NUP214: variants seen among roughly 807,000 people sequenced by gnomAD.
NUP214 encodes the protein nucleoporin 214.
NUP214 carries 79 observed loss-of-function variants against 196.2 expected under a neutral mutation model. The observed-to-expected ratio is 0.40, with a 90% CI of 0.34 to 0.49. NUP214 has a LOEUF of 0.49. Among genes scored for constraint, NUP214 ranks in the 20% least tolerant of loss-of-function variants. The probability of loss-of-function intolerance (pLI) is 0.58; values close to 1 mark genes in which losing one functional copy is unlikely to be tolerated. For synonymous variants in NUP214, 1,020 were observed against 990.5 expected (o/e 1.03, Z -0.56); for missense variants, 2,468 against 2,539.0 (o/e 0.97, Z 0.60).
Position 131,196,277 on chromosome 9 carries a change from G to A in NUP214, c.3722-939G>A, listed in dbSNP as rs182669613. 2.6e-5 allele frequency among the ~76,000 whole-genome samples: 4 copies of A among 151,992 alleles called. No individual in the cohort carries two copies. In the East Asian group the frequency reaches 7.8e-4, roughly 29 times the overall value. Reference sequence around the variant, plus strand: ...GGGTTCCAGCGATTCTCCTGCCTCAGCCTCCCTAGTAGCTGGGATTACAGG... The same window carrying A: ...GGGTTCCAGCGATTCTCCTGCCTCAACCTCCCTAGTAGCTGGGATTACAGG... On this transcript the variant is annotated intron_variant, in intron 28 of 35. Transcript: ENST00000359428.
At chr9:131,133,672 C>G (rs1387613500) in intron 7 of NUP214, 1 of 152,294 alleles carries the variant, frequency 6.6e-6, no homozygotes, top group East Asian at 1.9e-4. Context: ...CATGCTGCAC[C>G]ATGGGCCAGG....
chr9:131,172,207 C>T (rs1832978499), intron 21 of NUP214, among the ~76,000 whole-genome samples: 1 of 151,704 alleles, frequency 6.6e-6, no homozygotes, highest in African/African-American at 2.4e-5. Flanking sequence ...ACATCCTCTC[C>T]AGCACCTGTT....
In NUP214 at chr9:131,189,125, G is replaced by A. The variant is rs1833532207; in HGVS notation, c.3568G>A (p.Ala1190Thr). The change falls in exon 26 of 36, where the codon GCT becomes ACT. Residue 1190 changes from alanine to threonine, a missense_variant. Ala to Thr is a moderately conservative substitution (Grantham distance 58). Transcript: ENST00000359428. Reference protein sequence around the residue: ...ASGQLSSGDKASGTAKIETAV... With the variant: ...ASGQLSSGDKTSGTAKIETAV... Reference sequence around the variant, plus strand: ...CGGTCAGTTATCATCTGGTGACAAAGCTTCAGGTCAGTTTGCATTTTTGTT... The same window carrying A: ...CGGTCAGTTATCATCTGGTGACAAAACTTCAGGTCAGTTTGCATTTTTGTT... 5 of 1,613,900 alleles carry A rather than the reference G, an allele frequency of 3.1e-6. No individual in the cohort carries two copies. The highest frequency in any genetic ancestry group is 1.3e-5 in the African/African-American group (1 of 75,042).
intron 4 of NUP214, among the ~76,000 whole-genome samples, 193 bp downstream of exon 4, chr9:131,129,670 T>C (rs770182178): frequency 6.8e-4 from 103 of 152,108 alleles, no homozygotes; most frequent in Non-Finnish European, 2.8e-4. Context: ...AGTGGCATCA[T>C]CTCAGCCACT....
chr9:131,167,279 C>T (rs1832810779), intron 21 of NUP214: 1 of 152,224 alleles, frequency 6.6e-6, no homozygotes, highest in Non-Finnish European at 1.5e-5. Context: ...TTCTCTTGTT[C>T]CACATCAGGC....
At chr9:131,164,285 A>G (rs1343453306) in intron 21 of NUP214, 141 bp downstream of exon 21, 4 of 673,934 alleles carry the variant, frequency 5.9e-6, no homozygotes, top group Non-Finnish European at 1.0e-5. Context: ...TTGGTTCTTA[A>G]TAGGGGATAG....
At position 131,125,849 on chromosome 9, in the gene NUP214, C is replaced by A; in HGVS notation, c.45+100C>A. 1 of 1,382,560 alleles carries A rather than the reference C, an allele frequency of 7.2e-7. No individual in the cohort carries two copies. Among genetic ancestry groups the A allele is most frequent in the Non-Finnish European group, 1.0e-6 (1 of 1,003,862 alleles). The allele number at this position is 1,382,560 out of a possible 1,614,324, so 85.6% of individuals were successfully genotyped here. A position where few individuals can be genotyped will look rare whatever the true frequency, so the allele number is the denominator to read the frequency against. ...GCGGTGCTGGCTGTCCCGCCTCCTG[C>A]TTGAACAGTTTACCGCGTTCACAGC... On this transcript the variant is annotated intron_variant, in intron 1 of 35. Transcript: ENST00000359428. This position sits in a 1 kb window ranked among gnomAD's most constrained non-coding sequence, Gnocchi z 4.1.
chr9:131,220,788 T>C (rs1834536243), intron 31 of NUP214, among the ~76,000 whole-genome samples: 1 of 152,228 alleles, frequency 6.6e-6, no homozygotes, highest in African/African-American at 2.4e-5. Flanking sequence ...GACTGCAAAC[T>C]TCACTGCTTG....
chr9:131,191,873 T>C (rs944398937), intron 26 of NUP214: 1 of 171,072 alleles, frequency 5.8e-6, no homozygotes, highest in East Asian at 1.5e-4. Context: ...TTATAAGCAT[T>C]TTCCCATACC....
intron 23 of NUP214, among the ~76,000 whole-genome samples, chr9:131,176,308 A>G (rs771677413): frequency 6.6e-6 from 1 of 151,736 alleles, no homozygotes; most frequent in Non-Finnish European, 1.5e-5. Context: ...TTCTCCAACT[A>G]TATCTTGCAT....
intron 21 of NUP214, among the ~76,000 whole-genome samples, chr9:131,171,536 A>G (rs943816548): frequency 1.5e-5 from 2 of 132,796 alleles, no homozygotes; most frequent in Non-Finnish European, 3.1e-5. Context: ...GTTATCTCAC[A>G]GGAAGATTTT....
chr9:131,170,063 C>T (rs1471434113), intron 21 of NUP214, among the ~76,000 whole-genome samples: 1 of 151,944 alleles, frequency 6.6e-6, no homozygotes, highest in African/African-American at 2.4e-5. Context: ...AAGATGAAAA[C>T]GTTCTGGAGA....
chr9:131,155,055 A>G (rs776769951), intron 17 of NUP214, among the ~76,000 whole-genome samples: 12 of 152,188 alleles, frequency 7.9e-5, no homozygotes, highest in Non-Finnish European at 1.8e-4. Context: ...TTAGTTCTTT[A>G]AGAAATCTCC....
intron 17 of NUP214, among the ~76,000 whole-genome samples, chr9:131,154,842 T>TGCGCAC (rs1166114652): frequency 4.0e-5 from 6 of 149,468 alleles, no homozygotes; most frequent in African/African-American, 1.5e-4. Flanking sequence ...TGTGTGTGTG[T>TGCGCAC]GCGCACGCGC....
Position 131,161,290 on chromosome 9 carries a change from C to G in NUP214, c.2541-1701C>G, listed in dbSNP as rs190159733. ...TTTTTTTTTTTGAGACTAAGTCTCG[C>G]TGTGTCACCCATATTGGAGTGCAGT... On this transcript the variant is annotated intron_variant, in intron 18 of 35. Transcript: ENST00000359428. 1.9e-3 allele frequency among the ~76,000 whole-genome samples: 280 copies of G among 147,442 alleles called. 3 individuals are homozygous for G. Among genetic ancestry groups the G allele is most frequent in the African/African-American group, 6.7e-3 (267 of 39,976 alleles).
chr9:131,165,084 A>G (rs1397014075), intron 21 of NUP214: 1 of 152,216 alleles, frequency 6.6e-6, no homozygotes, highest in Non-Finnish European at 1.5e-5. Context: ...TAAAGAATAC[A>G]TTCTCTTGGT....
At chr9:131,172,037 A>G (rs1832973398) in intron 21 of NUP214, among the ~76,000 whole-genome samples, 1 of 151,986 alleles carries the variant, frequency 6.6e-6, no homozygotes. Flanking sequence ...TCTTTATAGC[A>G]GCATGATTTA....
At chr9:131,161,672 T>C (rs1294450723) in intron 18 of NUP214, among the ~76,000 whole-genome samples, 1 of 152,250 alleles carries the variant, frequency 6.6e-6, no homozygotes, top group Non-Finnish European at 1.5e-5. Context: ...CAGAGGTTTC[T>C]GTTTAGCAAG....
intron 31 of NUP214, among the ~76,000 whole-genome samples, chr9:131,218,167 T>C (rs1338845065): frequency 1.3e-5 from 2 of 152,210 alleles, no homozygotes; most frequent in African/African-American, 2.4e-5. Flanking sequence ...GTTTAAGTGA[T>C]TTTGAAGGAG....
Sources: gnomAD v4.1 joint callset for allele counts (sites outside exome capture counted in the v4.1 genomes callset) on GRCh38, gnomAD v4.1.1 for gene constraint, Gnocchi (gnomAD v3.1) non-coding constraint, MANE v1.5 for transcripts, NCBI Gene and HGNC (gene_info 2026-07-23, HGNC 2026-07-21) for gene names.